The following GALNT16 variants were observed in gnomAD, a reference collection of about 807,000 sequenced individuals.
GALNT16 encodes UDP-GalNAc:polypeptide N-acetylgalactosaminyltransferase-like protein 1.
In GALNT16, 40 loss-of-function variants were observed where a neutral mutation model predicts 76.1. The ratio of observed to expected loss-of-function variants is 0.53; its 90% CI spans 0.41 to 0.68. GALNT16 has a LOEUF of 0.68. GALNT16 is among the 30% of genes least tolerant of loss of function. GALNT16 has a pLI of 0.00. For missense variants in GALNT16, 621 were observed against 731.9 expected (o/e 0.85, Z 1.75); for synonymous variants, 276 against 285.2 (o/e 0.97, Z 0.32).
the GALNT16 span, among the ~76,000 whole-genome samples, chr14:69,374,192 A>T: frequency 1.3e-5 from 2 of 152,120 alleles, no homozygotes; most frequent in African/African-American, 4.8e-5. Context: ...CCTATCTCCT[A>T]GCCCATCATT....
At chr14:69,296,186 A>C (rs1403986201) in intron 1 of GALNT16, among the ~76,000 whole-genome samples, 1 of 152,030 alleles carries the variant, frequency 6.6e-6, no homozygotes, top group Non-Finnish European at 1.5e-5. Flanking sequence ...GAGGAGGAGG[A>C]GGTGCTAAAT....
chr14:69,285,559 G>T (rs2044600411), intron 1 of GALNT16, among the ~76,000 whole-genome samples: 1 of 152,172 alleles, frequency 6.6e-6, no homozygotes, highest in African/African-American at 2.4e-5. Flanking sequence ...ATTTAAGAAA[G>T]ATCCTTTAAT....
At chr14:69,296,984 T>G (rs2044776531) in intron 1 of GALNT16, among the ~76,000 whole-genome samples, 1 of 152,246 alleles carries the variant, frequency 6.6e-6, no homozygotes, top group African/African-American at 2.4e-5. Context: ...ATTTACATTT[T>G]TACAGCTACA....
chr14:69,386,173 C>T, the GALNT16 span, among the ~76,000 whole-genome samples: 7 of 152,262 alleles, frequency 4.6e-5, no homozygotes, highest in African/African-American at 1.4e-4. Context: ...CAAGGAAATG[C>T]GTGTTTTGGA....
At chr14:69,290,721 A>C (rs2044677955) in intron 1 of GALNT16, among the ~76,000 whole-genome samples, 1 of 152,234 alleles carries the variant, frequency 6.6e-6, no homozygotes, top group African/African-American at 2.4e-5. Context: ...GAACCATCTC[A>C]GTCCAAATGG....
intron 1 of GALNT16, among the ~76,000 whole-genome samples, chr14:69,283,817 C>T (rs969805448): frequency 6.6e-6 from 1 of 152,176 alleles, no homozygotes; most frequent in Non-Finnish European, 1.5e-5. Flanking sequence ...TCTGCTTTCT[C>T]GTCTTCCCTG....
intron 9 of GALNT16, among the ~76,000 whole-genome samples, chr14:69,338,207 C>T (rs1275681): frequency 0.36 from 54,527 of 152,154 alleles, 10,478 homozygotes; most frequent in Non-Finnish European, 0.44. Context: ...CCAAGAGGTG[C>T]CAGCTGGAGC....
At chr14:69,280,000 A>C (rs1331946789) in intron 1 of GALNT16, among the ~76,000 whole-genome samples, 2 of 152,204 alleles carry the variant, frequency 1.3e-5, no homozygotes, top group Non-Finnish European at 2.9e-5. Flanking sequence ...GTATTGATTT[A>C]TTTTTCTTAT....
chr14:69,295,784 A>G (rs561145862), intron 1 of GALNT16, among the ~76,000 whole-genome samples: 2 of 134,618 alleles, frequency 1.5e-5, no homozygotes, highest in South Asian at 5.4e-4. Context: ...CACTCACAAT[A>G]TATTTTTTTT....
chr14:69,325,530 T>C lies in GALNT16; in HGVS notation c.502+126T>C, dbSNP rs537257448. ...GACACCTTTCTGCCCCCAGCAGGGA[T>C]CCTGTCTTTTCTAGGACCCCTCCCT... On this transcript the variant is annotated intron_variant, in intron 4 of 14. Transcript: ENST00000448469. 1.6e-5 allele frequency: 11 copies of C among 704,364 alleles called. No individual in the cohort carries two copies. The East Asian group carries it at 2.8e-4, about 18-fold the overall frequency. 43.6% of individuals were successfully genotyped at this position (704,364 alleles called of 1,614,324 possible).
intron 2 of GALNT16, among the ~76,000 whole-genome samples, chr14:69,323,498 G>A (rs2045233455): frequency 6.6e-6 from 1 of 152,184 alleles, no homozygotes; most frequent in African/African-American, 2.4e-5. Flanking sequence ...CAGGACAGAG[G>A]ACTGGGGCCC....
intron 14 of GALNT16, chr14:69,349,106 G>A (rs549924190): frequency 2.0e-5 from 3 of 152,438 alleles, no homozygotes; most frequent in East Asian, 3.9e-4. Context: ...TCCGGCCTGT[G>A]TGTGTCTGAG....
In GALNT16 at chr14:69,275,209, GAGAGCCC is replaced by G. The variant is rs757885138; in HGVS notation, c.177+14743_177+14749del. On this transcript the variant is annotated intron_variant, in intron 1 of 14. Transcript: ENST00000448469. ...AGGGACTAGAAGGGTGCAGCCTGGGGAGAGCCCCTGCAATTGGCTTAGCCTCTCCAAA... is the reference window on the plus strand; with the variant it reads ...AGGGACTAGAAGGGTGCAGCCTGGGGCTGCAATTGGCTTAGCCTCTCCAAA... Among the ~76,000 whole-genome samples the G allele has an allele frequency of 1.2e-3, 176 of 152,274 alleles. No individual in the cohort carries two copies. In the Middle Eastern group the frequency reaches 0.014, roughly 12 times the overall value.
chr14:69,334,011 G>A (rs1348274687), intron 9 of GALNT16, among the ~76,000 whole-genome samples: 2 of 152,228 alleles, frequency 1.3e-5, no homozygotes, highest in African/African-American at 2.4e-5. Context: ...AGATGGCCTG[G>A]GTGCAAACCC....
Position 69,333,325 on chromosome 14 carries a change from G to A in GALNT16, c.863+156G>A. 1 of 700,818 alleles carries A rather than the reference G, an allele frequency of 1.4e-6. No individual in the cohort carries two copies. The highest frequency in any genetic ancestry group is 2.7e-5 in the Admixed American group (1 of 36,592). The allele number at this position is 700,818 out of a possible 1,614,324, so 43.4% of individuals were successfully genotyped here. The stretch of plus-strand genomic sequence containing the variant: ...GGACCCTGTATGCAGGGACAGCGAG[G>A]ACAGAGGCCACGGGAACAGATGTGG... On this transcript the variant is annotated intron_variant, in intron 8 of 14. Transcript: ENST00000448469. The surrounding 1 kb of genome is among the most constrained non-coding windows in gnomAD (Gnocchi z 4.2).
the GALNT16 span, among the ~76,000 whole-genome samples, chr14:69,385,930 T>C: frequency 1.3e-5 from 2 of 152,200 alleles, no homozygotes; most frequent in African/African-American, 4.8e-5. Flanking sequence ...CCTTCACTCA[T>C]TCCTCTGCAG....
chr14:69,365,169 C>T, the GALNT16 span, among the ~76,000 whole-genome samples: 1 of 152,164 alleles, frequency 6.6e-6, no homozygotes, highest in Non-Finnish European at 1.5e-5. Context: ...TGACTTGTCC[C>T]TAAACTGTTT....
Position 69,261,570 on chromosome 14 carries a change from A to G in GALNT16, c.177+1103A>G, listed in dbSNP as rs1474493223. On this transcript the variant is annotated intron_variant, in intron 1 of 14. Transcript: ENST00000448469. The surrounding 1 kb of genome is among the most constrained non-coding windows in gnomAD (Gnocchi z 6.4). ...GAAGCGTGGCGATTCCGACAAGGAAAGATCTGGGCCTGGGGGTGGAGGGGT... is the reference window on the plus strand; with the variant it reads ...GAAGCGTGGCGATTCCGACAAGGAAGGATCTGGGCCTGGGGGTGGAGGGGT... 6.9e-6 allele frequency among the ~76,000 whole-genome samples: 1 copy of G among 144,906 alleles called. No homozygotes were observed. The highest frequency in any genetic ancestry group is 2.6e-5 in the African/African-American group (1 of 38,398).
intron 1 of GALNT16, among the ~76,000 whole-genome samples, chr14:69,264,355 C>T (rs1191354664): frequency 6.6e-6 from 1 of 152,070 alleles, no homozygotes; most frequent in Non-Finnish European, 1.5e-5. Context: ...TTTGTTGATC[C>T]TGAGATAAGC....
Sources: gnomAD v4.1 joint callset for allele counts (sites outside exome capture counted in the v4.1 genomes callset) on GRCh38, gnomAD v4.1.1 for gene constraint, Gnocchi (gnomAD v3.1) non-coding constraint, MANE v1.5 for transcripts, NCBI Gene and HGNC (gene_info 2026-07-23, HGNC 2026-07-21) for gene names.